GABRB3: variants seen among roughly 807,000 people sequenced by gnomAD.
GABRB3 encodes the protein gamma-aminobutyric acid type A receptor subunit beta3.
A neutral mutation model predicts 52.1 loss-of-function variants in GABRB3; 14 were observed. The observed-to-expected ratio is 0.27, with a 90% CI of 0.18 to 0.42. GABRB3 has a LOEUF of 0.42. GABRB3 is among the 10% of genes least tolerant of loss of function. GABRB3 has a pLI of 1.00. For synonymous variants in GABRB3, 260 were observed against 232.3 expected, an observed-to-expected ratio of 1.12 and a Z score of -1.08; for missense variants, 307 against 609.1, an observed-to-expected ratio of 0.50 and a Z score of 5.22.
Position 26,616,119 on chromosome 15 carries a change from C to A in GABRB3, c.461+5195G>T, listed in dbSNP as rs147725638. The A allele has an allele frequency of 8.8e-5, 112 of 1,271,690 alleles. No homozygotes were observed. The African/African-American group carries it at 1.6e-3, about 18-fold the overall frequency. The allele number at this position is 1,271,690 out of a possible 1,614,324, so 78.8% of individuals were successfully genotyped here. A position where few individuals can be genotyped will look rare whatever the true frequency, so the allele number is the denominator to read the frequency against. On this transcript the variant is annotated intron_variant, in intron 4 of 8. Transcript: ENST00000311550. ...TTACACACACTGGCCCACTCCGGGC[C>A]TGCCATGTCACCATCCAGCCAGTGC...
chr15:26,708,435 A>G (rs892558183), intron 3 of GABRB3, among the ~76,000 whole-genome samples: 1 of 152,228 alleles, frequency 6.6e-6, no homozygotes, highest in African/African-American at 2.4e-5. Context: ...GCACTGTACT[A>G]GGCAGTACAC....
At chr15:26,562,235 C>T (rs374144169) in intron 7 of GABRB3, among the ~76,000 whole-genome samples, 9 of 152,320 alleles carry the variant, frequency 5.9e-5, no homozygotes, top group Admixed American at 2.6e-4. Flanking sequence ...CTGCAGCTGA[C>T]GCGCTCTCTT....
intron 8 of GABRB3, chr15:26,553,488 G>A (rs1889557203): frequency 6.6e-6 from 1 of 152,110 alleles, no homozygotes; most frequent in Non-Finnish European, 1.5e-5. Context: ...AATGGTTTGG[G>A]AATTACGATA....
intron 8 of GABRB3, among the ~76,000 whole-genome samples, chr15:26,553,752 C>G (rs1438623295): frequency 6.6e-6 from 1 of 151,922 alleles, no homozygotes; most frequent in African/African-American, 2.4e-5. Flanking sequence ...TTGCCCTGTC[C>G]TTAGTCAGGA....
At chr15:26,668,086 G>C (rs943947332) in intron 3 of GABRB3, among the ~76,000 whole-genome samples, 1 of 152,148 alleles carries the variant, frequency 6.6e-6, no homozygotes, top group Non-Finnish European at 1.5e-5. Context: ...AAGAGTCAGA[G>C]TCTCAGCTTT....
chr15:26,759,728 G>C (rs1890762162), intron 3 of GABRB3, among the ~76,000 whole-genome samples: 2 of 152,192 alleles, frequency 1.3e-5, no homozygotes, highest in Non-Finnish European at 2.9e-5. Flanking sequence ...AGAATGTTAA[G>C]ATTGTTACAG....
intron 3 of GABRB3, among the ~76,000 whole-genome samples, chr15:26,689,770 G>A (rs1888525640): frequency 6.6e-6 from 1 of 152,110 alleles, no homozygotes; most frequent in South Asian, 2.1e-4. Flanking sequence ...GGCCGCCTGG[G>A]GAGGCTGTCT....
intron 8 of GABRB3, chr15:26,557,502 A>T (rs1889800831): frequency 6.6e-6 from 1 of 152,158 alleles, no homozygotes; most frequent in Non-Finnish European, 1.5e-5. Flanking sequence ...GTAAAATTTG[A>T]TTCTTTTCTC....
At chr15:26,633,146 G>A (rs567393569) in intron 3 of GABRB3, among the ~76,000 whole-genome samples, 2 of 152,256 alleles carry the variant, frequency 1.3e-5, no homozygotes, top group Admixed American at 6.5e-5. Flanking sequence ...AAGTTTCATC[G>A]TCTACTCAAT....
At chr15:26,606,071 G>C (rs1191361366) in intron 4 of GABRB3, among the ~76,000 whole-genome samples, 1 of 151,904 alleles carries the variant, frequency 6.6e-6, no homozygotes, top group Non-Finnish European at 1.5e-5. Flanking sequence ...GAACAGCAAG[G>C]GGGAAATCAG....
chr15:26,559,472 A>C (rs891266532), intron 8 of GABRB3, among the ~76,000 whole-genome samples: 5 of 151,630 alleles, frequency 3.3e-5, no homozygotes, highest in Non-Finnish European at 7.4e-5. Context: ...ATAGCAACAG[A>C]ACAATGGCCT....
intron 4 of GABRB3, among the ~76,000 whole-genome samples, chr15:26,596,138 G>A (rs1439675405): frequency 1.3e-5 from 2 of 152,068 alleles, no homozygotes; most frequent in Non-Finnish European, 2.9e-5. Flanking sequence ...TCCAAAGCAA[G>A]AGAAGGGTCT....
chr15:26,684,681 G>A (rs1006235732), intron 3 of GABRB3, among the ~76,000 whole-genome samples: 3 of 152,060 alleles, frequency 2.0e-5, no homozygotes, highest in African/African-American at 7.2e-5. Flanking sequence ...AGGTCTCAGG[G>A]TATAGGAAAG....
At chr15:26,725,653 C>A (rs145769758) in intron 3 of GABRB3, among the ~76,000 whole-genome samples, 3 of 152,076 alleles carry the variant, frequency 2.0e-5, no homozygotes, top group Non-Finnish European at 4.4e-5. Flanking sequence ...TGTTTGAGAC[C>A]ATAAGAGTTT....
At chr15:26,772,841 C>T in intron 1 of GABRB3, 42 bp downstream of exon 1, 1 of 1,457,036 alleles carries the variant, frequency 6.9e-7, no homozygotes, top group Non-Finnish European at 9.1e-7. Context: ...CCCGCGCACC[C>T]CGCGCCCTGC....
At chr15:26,750,387 G>T (rs910075653) in intron 3 of GABRB3, among the ~76,000 whole-genome samples, 2 of 152,126 alleles carry the variant, frequency 1.3e-5, no homozygotes, top group Non-Finnish European at 2.9e-5. Flanking sequence ...TAGATGAACT[G>T]CTCAGAGAAT....
At chr15:26,629,110 T>C (rs1478414128) in intron 3 of GABRB3, 3 of 1,534,778 alleles carry the variant, frequency 2.0e-6, no homozygotes, top group South Asian at 1.2e-5. Flanking sequence ...TCTCCATCTC[T>C]GCTCTTTACA....
rs1266248853 is a variant in GABRB3 at position 26,545,028 on chromosome 15, C to G, written c.*2765G>C. The G allele has an allele frequency of 6.6e-6, 1 of 151,026 alleles. No homozygotes were observed. The highest frequency in any genetic ancestry group is 2.5e-5 in the African/African-American group (1 of 39,946). 9.4% of individuals were successfully genotyped at this position (151,026 alleles called of 1,614,324 possible). On this transcript the variant is annotated 3_prime_UTR_variant, in exon 9 of 9. Transcript: ENST00000311550. ...CCAATTCAACTCTCTTCTGTTAACA[C>G]AGTCAGAGTTCTCTTCTCAATGCTC... is the stretch of plus-strand genomic sequence containing the variant.
intron 6 of GABRB3, among the ~76,000 whole-genome samples, chr15:26,568,779 T>C (rs925190734): frequency 4.6e-5 from 7 of 151,246 alleles, no homozygotes; most frequent in African/African-American, 1.7e-4. Flanking sequence ...CCTCCCAAAG[T>C]GCTGGGATTA....
Sources: allele counts gnomAD v4.1 joint callset (sites outside exome capture counted in the v4.1 genomes callset), GRCh38; gene constraint gnomAD v4.1.1; transcripts MANE v1.5; gene names NCBI Gene and HGNC (gene_info 2026-07-23, HGNC 2026-07-21).